Variants in ARHGAP24 observed in about 807,000 individuals in gnomAD.
ARHGAP24 encodes the protein rho GTPase-activating protein 24.
In ARHGAP24, 50 loss-of-function variants were observed where a neutral mutation model predicts 76.4. That is an observed-to-expected ratio of 0.65 (90% CI 0.52 to 0.83). The LOEUF (loss-of-function observed/expected upper bound fraction) is 0.83, where lower values mean the gene tolerates loss of function less well. ARHGAP24 is among the 40% of genes least tolerant of loss of function. The pLI is 0.00. For synonymous variants in ARHGAP24, 345 were observed against 323.3 expected, an observed-to-expected ratio of 1.07 and a Z score of -0.72; for missense variants, 930 against 914.2, an observed-to-expected ratio of 1.02 and a Z score of -0.22.
chr4:85,994,683 G>GAGC lies in ARHGAP24; in HGVS notation c.1031_1033dup (p.Ser344dup), dbSNP rs761554251. Reference sequence around the variant, plus strand: ...TACAAAGCAAGCCCCAAGATGGAGTGAGCAACAACAATGAAATTCAGAAGA... The same window carrying GAGC: ...TACAAAGCAAGCCCCAAGATGGAGTGAGCAGCAACAACAATGAAATTCAGAAGA... On this transcript the variant is annotated inframe_insertion, in exon 9 of 10. Transcript: ENST00000395184. The GAGC allele has an allele frequency of 3.1e-6, 5 of 1,614,126 alleles. No homozygotes were observed. The highest frequency in any genetic ancestry group is 4.2e-6 in the Non-Finnish European group (5 of 1,180,020).
At chr4:85,852,996 G>T (rs1731326474) in intron 3 of ARHGAP24, among the ~76,000 whole-genome samples, 1 of 152,198 alleles carries the variant, frequency 6.6e-6, no homozygotes, top group African/African-American at 2.4e-5. Flanking sequence ...GAGAACCACT[G>T]CTCTCTTCAG....
At chr4:85,643,799 A>G (rs2109973225) in intron 2 of ARHGAP24, among the ~76,000 whole-genome samples, 1 of 152,292 alleles carries the variant, frequency 6.6e-6, no homozygotes, top group East Asian at 1.9e-4. Flanking sequence ...AAAGTGAATG[A>G]ATCAATCAGT....
At chr4:85,933,392 AGGCCT>A (rs1198279900) in intron 4 of ARHGAP24, among the ~76,000 whole-genome samples, 1 of 152,152 alleles carries the variant, frequency 6.6e-6, no homozygotes, top group Non-Finnish European at 1.5e-5. Context: ...AAGTTTCCAG[AGGCCT>A]GGTTACATTA....
At chr4:85,746,804 A>C (rs1263871614) in intron 3 of ARHGAP24, among the ~76,000 whole-genome samples, 1 of 151,914 alleles carries the variant, frequency 6.6e-6, no homozygotes, top group Non-Finnish European at 1.5e-5. Flanking sequence ...GGTGCCTGCC[A>C]CCATGCCTGG....
chr4:85,529,238 A>T (rs901493518), intron 1 of ARHGAP24, among the ~76,000 whole-genome samples: 1 of 152,010 alleles, frequency 6.6e-6, no homozygotes, highest in African/African-American at 2.4e-5. Flanking sequence ...TCATAAATCA[A>T]ATTATAGCTT....
chr4:85,721,439 G>C (rs990592617), intron 2 of ARHGAP24, among the ~76,000 whole-genome samples: 4 of 150,686 alleles, frequency 2.7e-5, no homozygotes, highest in African/African-American at 4.9e-5. Context: ...AGAAAGAAAA[G>C]GAAAGAAAGA....
intron 2 of ARHGAP24, among the ~76,000 whole-genome samples, chr4:85,719,915 A>C (rs1724864142): frequency 1.3e-5 from 2 of 152,174 alleles, no homozygotes; most frequent in African/African-American, 4.8e-5. Context: ...CAGGGAAAGA[A>C]TGTTGTCCTA....
At chr4:85,658,002 C>A (rs28565549) in intron 2 of ARHGAP24, among the ~76,000 whole-genome samples, 51,283 of 152,074 alleles carry the variant, frequency 0.34, 9,666 homozygotes, top group East Asian at 0.84. Context: ...TGATCTGCCC[C>A]CCTCGGCTTC....
At chr4:85,914,105 G>A (rs75377057) in intron 3 of ARHGAP24, among the ~76,000 whole-genome samples, 2,635 of 152,262 alleles carry the variant, frequency 0.017, 79 homozygotes, top group African/African-American at 0.06. Context: ...TGTCCTTGCA[G>A]AACTAGTTGC....
intron 3 of ARHGAP24, among the ~76,000 whole-genome samples, chr4:85,873,267 G>C (rs187000959): frequency 1.8e-4 from 28 of 152,310 alleles, no homozygotes; most frequent in Admixed American, 1.8e-3. Context: ...TATGTACCTT[G>C]TAGGATAGCT....
At chr4:85,665,102 T>A (rs979045181) in intron 2 of ARHGAP24, among the ~76,000 whole-genome samples, 1 of 152,078 alleles carries the variant, frequency 6.6e-6, no homozygotes, top group South Asian at 2.1e-4. Context: ...CTGTCTAATG[T>A]TGACAGTGGG....
intron 1 of ARHGAP24, among the ~76,000 whole-genome samples, chr4:85,541,550 C>CTAGAAAGAAA: frequency 6.6e-5 from 10 of 152,120 alleles, no homozygotes; most frequent in African/African-American, 2.4e-4. Flanking sequence ...GCGTCTTTAG[C>CTAGAAAGAAA]TTAACATAAT....
chr4:85,491,614 G>A (rs992622034), intron 1 of ARHGAP24, among the ~76,000 whole-genome samples: 2 of 152,184 alleles, frequency 1.3e-5, no homozygotes, highest in African/African-American at 4.8e-5. Flanking sequence ...GAGGGGTTCT[G>A]TGTGCACTAG....
At chr4:85,593,752 G>A (rs985517245) in intron 2 of ARHGAP24, among the ~76,000 whole-genome samples, 2 of 152,040 alleles carry the variant, frequency 1.3e-5, no homozygotes, top group Admixed American at 6.6e-5. Flanking sequence ...TGTCAAAAAG[G>A]AGCTCACTGT....
intron 2 of ARHGAP24, among the ~76,000 whole-genome samples, chr4:85,619,053 G>C (rs988170992): frequency 6.6e-6 from 1 of 151,952 alleles, no homozygotes; most frequent in South Asian, 2.1e-4. Context: ...CCAATGTCAT[G>C]GAGCTTTTCC....
chr4:85,745,580 C>T (rs1313417124), intron 3 of ARHGAP24, among the ~76,000 whole-genome samples: 3 of 109,408 alleles, frequency 2.7e-5, no homozygotes, highest in Non-Finnish European at 5.8e-5. Context: ...GACAGAGTGA[C>T]ACCTTATCTC....
At chr4:85,629,737 G>C (rs1294147437) in intron 2 of ARHGAP24, among the ~76,000 whole-genome samples, 1 of 152,116 alleles carries the variant, frequency 6.6e-6, no homozygotes, top group Non-Finnish European at 1.5e-5. Context: ...TGAATGTGAT[G>C]AGTTACTTCT....
intron 2 of ARHGAP24, among the ~76,000 whole-genome samples, chr4:85,613,027 G>A (rs1720448049): frequency 1.3e-5 from 2 of 151,532 alleles, no homozygotes; most frequent in South Asian, 4.2e-4. Context: ...TGAACTCCTG[G>A]GCTCAAGCAA....
intron 5 of ARHGAP24, among the ~76,000 whole-genome samples, chr4:85,957,185 C>G (rs1360000735): frequency 1.3e-5 from 2 of 152,182 alleles, no homozygotes; most frequent in African/African-American, 4.8e-5. Context: ...AGTCCTGTCT[C>G]TCACCCTCAT....
Sources: gnomAD v4.1 joint callset for allele counts (sites outside exome capture counted in the v4.1 genomes callset) on GRCh38, gnomAD v4.1.1 for gene constraint, MANE v1.5 for transcripts, NCBI Gene and HGNC (gene_info 2026-07-23, HGNC 2026-07-21) for gene names.